The following UBE2D2 variants were observed in gnomAD, a reference collection of about 807,000 sequenced individuals.
UBE2D2 encodes ubiquitin conjugating enzyme E2 D2, also known as ubiquitin-conjugating enzyme E2 D2.
In UBE2D2, 2 loss-of-function variants were observed where a neutral mutation model predicts 24.2. The ratio of observed to expected loss-of-function variants is 0.08; its 90% CI spans 0.03 to 0.26. UBE2D2 has a LOEUF of 0.26. UBE2D2 is among the 10% of genes least tolerant of loss of function. The pLI, the probability that UBE2D2 is intolerant of heterozygous loss-of-function variation, is 1.00. For missense variants in UBE2D2, 44 were observed against 177.6 expected (o/e 0.25, Z 4.28); for synonymous variants, 58 against 56.5 (o/e 1.03, Z -0.12).
At chr5:139,533,062 C>A in intron 1 of UBE2D2, among the ~76,000 whole-genome samples, 1 of 150,360 alleles carries the variant, frequency 6.7e-6, no homozygotes, top group African/African-American at 2.4e-5. Context: ...AAGCTGAGAT[C>A]GCGCCACTGG....
intron 1 of UBE2D2, among the ~76,000 whole-genome samples, chr5:139,544,101 C>T (rs951984916): frequency 1.3e-5 from 2 of 151,772 alleles, no homozygotes; most frequent in Middle Eastern, 3.4e-3. Context: ...TGCAATTGCA[C>T]AGGGATAACT....
chr5:139,563,933 C>T (rs752304402), intron 1 of UBE2D2, among the ~76,000 whole-genome samples: 1 of 145,028 alleles, frequency 6.9e-6, no homozygotes, highest in South Asian at 2.2e-4. Context: ...GACTCCCTTT[C>T]AAAAAAAAAA....
intron 2 of UBE2D2, among the ~76,000 whole-genome samples, chr5:139,608,004 C>G (rs1754232673): frequency 6.7e-6 from 1 of 148,810 alleles, no homozygotes; most frequent in South Asian, 2.1e-4. Flanking sequence ...TAGAGTGAGA[C>G]TCTGTCTCTT....
At chr5:139,538,118 G>A (rs1303553983) in intron 1 of UBE2D2, among the ~76,000 whole-genome samples, 1 of 151,936 alleles carries the variant, frequency 6.6e-6, no homozygotes, top group Admixed American at 6.6e-5. Context: ...CTGCAACCCC[G>A]CCTCCTGGGT....
At chr5:139,589,077 C>T (rs578212558) in intron 1 of UBE2D2, among the ~76,000 whole-genome samples, 1 of 152,310 alleles carries the variant, frequency 6.6e-6, no homozygotes, top group African/African-American at 2.4e-5. Context: ...AGGCATGAGC[C>T]ACCACAGTCA....
intron 1 of UBE2D2, among the ~76,000 whole-genome samples, chr5:139,538,176 G>GT (rs930217271): frequency 5.3e-5 from 8 of 152,096 alleles, no homozygotes; most frequent in Non-Finnish European, 1.2e-4. Flanking sequence ...TGGAGATGGG[G>GT]TTTTGCCATG....
At chr5:139,562,414 T>C (rs1162749742) in intron 1 of UBE2D2, 1 of 1,305,576 alleles carries the variant, frequency 7.7e-7, no homozygotes, top group African/African-American at 1.5e-5. Context: ...AAAGGTGACT[T>C]AATGAGGGAG....
upstream of UBE2D2, among the ~76,000 whole-genome samples, chr5:139,560,437 C>A (rs187222222): frequency 1.2e-3 from 176 of 151,984 alleles, no homozygotes; most frequent in African/African-American, 4.0e-3. Context: ...ACCTCGTGAT[C>A]CGCCTGCCTT....
intron 5 of UBE2D2, among the ~76,000 whole-genome samples, chr5:139,622,486 A>G (rs1399485834): frequency 6.8e-6 from 1 of 146,914 alleles, no homozygotes; most frequent in Non-Finnish European, 1.5e-5. Context: ...CTCGTGATCC[A>G]CCCCCCTCCG....
intron 1 of UBE2D2, among the ~76,000 whole-genome samples, chr5:139,588,683 A>G (rs1231986781): frequency 6.6e-6 from 1 of 152,232 alleles, no homozygotes; most frequent in Non-Finnish European, 1.5e-5. Context: ...TCCAAAAATT[A>G]AGTATTAGCT....
intron 1 of UBE2D2, among the ~76,000 whole-genome samples, chr5:139,548,178 A>AT (rs1561498560): frequency 3.5e-4 from 14 of 39,796 alleles, no homozygotes; most frequent in Non-Finnish European, 5.9e-4. Flanking sequence ...AAAAAAAAAA[A>AT]AAAAATAAAA....
At chr5:139,594,905 T>A (rs1753928879) in intron 1 of UBE2D2, among the ~76,000 whole-genome samples, 2 of 152,212 alleles carry the variant, frequency 1.3e-5, no homozygotes, top group African/African-American at 4.8e-5. Flanking sequence ...AGTATTTGCG[T>A]ATAACCTGTA....
chr5:139,588,739 C>A (rs919122743), intron 1 of UBE2D2, among the ~76,000 whole-genome samples: 1 of 152,068 alleles, frequency 6.6e-6, no homozygotes, highest in Non-Finnish European at 1.5e-5. Flanking sequence ...TCACACAGAT[C>A]GTATTTTTAA....
intron 1 of UBE2D2, among the ~76,000 whole-genome samples, chr5:139,526,820 TTTGAC>T (rs1431440450): frequency 6.6e-6 from 1 of 152,246 alleles, no homozygotes; most frequent in Non-Finnish European, 1.5e-5. Flanking sequence ...TTGTTCTGGT[TTTGAC>T]TTGACTTGAA....
rs866779726 is a variant in UBE2D2 at position 139,586,535 on chromosome 5, G to A, written c.25-13837G>A. Among the ~76,000 whole-genome samples the A allele has an allele frequency of 9.9e-5, 15 of 152,248 alleles. No individual in the cohort carries two copies. In the Middle Eastern group the frequency reaches 0.01, roughly 104 times the overall value. On this transcript the variant is annotated intron_variant, in intron 1 of 6. Coordinates refer to ENST00000398733, the MANE Select transcript of UBE2D2 (RefSeq NM_003339.3). ...AATCCCCACACTTTGGGAGGCCGAGGCGGGCGGATCACGAGGTCAGGAGAT... is the reference window on the plus strand; with the variant it reads ...AATCCCCACACTTTGGGAGGCCGAGACGGGCGGATCACGAGGTCAGGAGAT...
upstream of UBE2D2, among the ~76,000 whole-genome samples, chr5:139,556,613 T>C (rs1029874956): frequency 6.6e-6 from 1 of 152,044 alleles, no homozygotes; most frequent in Admixed American, 6.6e-5. Flanking sequence ...ATTACCAACA[T>C]CAGAAATACA....
chr5:139,599,677 C>G (rs952123865), intron 1 of UBE2D2: 2 of 150,660 alleles, frequency 1.3e-5, no homozygotes, highest in Non-Finnish European at 3.0e-5. Context: ...GCGGAGCTTG[C>G]AGTCAGCTGA....
intron 1 of UBE2D2, chr5:139,562,117 G>A (rs1311967128): frequency 9.5e-7 from 1 of 1,056,816 alleles, no homozygotes; most frequent in Admixed American, 2.9e-5. Context: ...GCACTTGAGG[G>A]CCATTGTCGG....
chr5:139,551,848 A>G (rs1391143267), intron 1 of UBE2D2, among the ~76,000 whole-genome samples: 1 of 152,238 alleles, frequency 6.6e-6, no homozygotes, highest in African/African-American at 2.4e-5. Flanking sequence ...GACTGCTAAT[A>G]AACATAAAGT....
Sources: gnomAD v4.1 joint callset for allele counts (sites outside exome capture counted in the v4.1 genomes callset) on GRCh38, gnomAD v4.1.1 for gene constraint, MANE v1.5 for transcripts, NCBI Gene and HGNC (gene_info 2026-07-23, HGNC 2026-07-21) for gene names.